Variants in COL8A1 observed in about 807,000 individuals in gnomAD.
COL8A1 encodes collagen type VIII alpha 1 chain.
Under a neutral mutation model 42.7 loss-of-function variants are expected in COL8A1, and 21 were observed. The ratio of observed to expected loss-of-function variants is 0.49; its 90% CI spans 0.35 to 0.71. The LOEUF is 0.71. Ranked by LOEUF, COL8A1 falls within the 30% of genes least tolerant of loss-of-function variation. COL8A1 has a pLI of 0.01. For synonymous variants in COL8A1, 367 were observed against 369.1 expected, an observed-to-expected ratio of 0.99 and a Z score of 0.06; for missense variants, 788 against 962.4, an observed-to-expected ratio of 0.82 and a Z score of 2.40.
At chr3:99,773,329 C>A (rs1172145298) in intron 2 of COL8A1, among the ~76,000 whole-genome samples, 3 of 152,162 alleles carry the variant, frequency 2.0e-5, no homozygotes, top group Non-Finnish European at 4.4e-5. Context: ...TCATAGTGAG[C>A]AGGCTCTTCT....
Position 99,704,287 on chromosome 3 carries a change from A to G in COL8A1, c.-128-40610A>G, listed in dbSNP as rs1157187767. On this transcript the variant is annotated intron_variant, in intron 1 of 3. Coordinates refer to ENST00000652472, the MANE Select transcript of COL8A1 (RefSeq NM_020351.4). ...ATAACCAAGAAACAAATTCAGCTCA[A>G]AGAGAATCTATTTAGTGCCTTAACA... Among the ~76,000 whole-genome samples the G allele has an allele frequency of 2.0e-5, 3 of 152,220 alleles. No homozygotes were observed. The East Asian group carries it at 5.8e-4, about 29-fold the overall frequency.
At chr3:99,677,985 T>C (rs1340575127) in intron 1 of COL8A1, 2 of 152,166 alleles carry the variant, frequency 1.3e-5, no homozygotes, top group Non-Finnish European at 2.9e-5. Flanking sequence ...ATAATTCACA[T>C]TGGACAACAT....
At chr3:99,785,097 T>G (rs1438970491) in intron 2 of COL8A1, among the ~76,000 whole-genome samples, 4 of 152,180 alleles carry the variant, frequency 2.6e-5, no homozygotes, top group African/African-American at 7.2e-5. Flanking sequence ...CCTCCATATG[T>G]GAATCAAGAA....
intron 1 of COL8A1, among the ~76,000 whole-genome samples, chr3:99,662,873 C>T (rs1938251396): frequency 6.6e-6 from 1 of 152,080 alleles, no homozygotes; most frequent in East Asian, 1.9e-4. Flanking sequence ...CCCAAATTTC[C>T]CCTTTTTATA....
intron 2 of COL8A1, among the ~76,000 whole-genome samples, chr3:99,767,724 T>C (rs1032906460): frequency 3.9e-5 from 6 of 152,220 alleles, no homozygotes; most frequent in African/African-American, 1.4e-4. Context: ...ATATAAGGCA[T>C]CCTGCCACTG....
chr3:99,664,001 A>G (rs940510158), intron 1 of COL8A1, among the ~76,000 whole-genome samples: 1 of 152,206 alleles, frequency 6.6e-6, no homozygotes, highest in Middle Eastern at 3.2e-3. Context: ...AAGGAGTTCC[A>G]ACACAAAAGG....
chr3:99,675,880 A>T (rs975911117), intron 1 of COL8A1, among the ~76,000 whole-genome samples: 1 of 152,120 alleles, frequency 6.6e-6, no homozygotes, highest in Non-Finnish European at 1.5e-5. Context: ...GATAAAAAAG[A>T]GTGTGTGATT....
intron 1 of COL8A1, among the ~76,000 whole-genome samples, chr3:99,711,409 A>T (rs779321443): frequency 6.6e-6 from 1 of 152,150 alleles, no homozygotes; most frequent in Non-Finnish European, 1.5e-5. Flanking sequence ...GCCTTCTGAA[A>T]ACCCTTTCTT....
At position 99,692,300 on chromosome 3, in the gene COL8A1, T is replaced by C. The variant is rs553318653; in HGVS notation, c.-128-52597T>C. On this transcript the variant is annotated intron_variant, in intron 1 of 3. Coordinates refer to ENST00000652472, the MANE Select transcript of COL8A1 (RefSeq NM_020351.4). The stretch of plus-strand genomic sequence containing the variant: ...TGTCTAAAACAACTGAAACCTTCTG[T>C]AGCTCAAAAAACCAAGTATGTCTCA... Among the ~76,000 whole-genome samples the C allele has an allele frequency of 7.9e-5, 12 of 152,364 alleles. No individual in the cohort carries two copies. In the East Asian group the frequency reaches 2.3e-3, roughly 29 times the overall value.
rs1368306503 is a variant in COL8A1, at chr3:99,798,519, GA to G, written c.*2384del. The G allele has an allele frequency of 6.6e-6, 1 of 152,122 alleles. No individual in the cohort carries two copies. The highest frequency in any genetic ancestry group is 3.2e-3 in the Middle Eastern group (1 of 316). The allele number at this position is 152,122 out of a possible 1,614,324, so 9.4% of individuals were successfully genotyped here. A position where few individuals can be genotyped will look rare whatever the true frequency, so the allele number is the denominator to read the frequency against. On this transcript the variant is annotated 3_prime_UTR_variant, in exon 4 of 4. Transcript: ENST00000652472. ...TGGGCTTTTAATTCCCACCAAGAAA[GA>G]GAGAAATTATCTTTTTAGTTAAAAC...
chr3:99,657,797 T>A (rs1242967411), intron 1 of COL8A1, among the ~76,000 whole-genome samples: 1 of 152,176 alleles, frequency 6.6e-6, no homozygotes, highest in East Asian at 1.9e-4. Context: ...ATAGTGTTCT[T>A]TCTTGGTACA....
intron 1 of COL8A1, among the ~76,000 whole-genome samples, chr3:99,729,710 A>G (rs1372102887): frequency 6.6e-6 from 1 of 152,048 alleles, no homozygotes; most frequent in Non-Finnish European, 1.5e-5. Flanking sequence ...AAATCAGCCA[A>G]AGGCTTAAAG....
chr3:99,709,791 G>T (rs1939785137), intron 1 of COL8A1, among the ~76,000 whole-genome samples: 1 of 152,162 alleles, frequency 6.6e-6, no homozygotes, highest in Non-Finnish European at 1.5e-5. Context: ...CAGAAGATGA[G>T]TGTTATGGTG....
At chr3:99,737,150 G>A (rs1022561276) in intron 1 of COL8A1, among the ~76,000 whole-genome samples, 82 of 152,176 alleles carry the variant, frequency 5.4e-4, no homozygotes, top group Non-Finnish European at 9.1e-4. Context: ...TGGGTTTCCT[G>A]AACACAGCAC....
In COL8A1 at chr3:99,794,269, G is replaced by C. The variant is rs769320857; in HGVS notation, c.368G>C (p.Arg123Pro). The change falls in exon 4 of 4, where the codon CGT (arginine) becomes CCT (proline). Residue 123 changes from arginine (R) to proline (P), a missense_variant. Coordinates refer to ENST00000652472, the MANE Select transcript of COL8A1 (RefSeq NM_020351.4). The surrounding 1 kb of genome is among the most constrained non-coding windows in gnomAD (Gnocchi z 4.3). ...LASLRGEQGPRGEPGPRGPPG... is the reference protein window; with the variant it reads ...LASLRGEQGPPGEPGPRGPPG... The stretch of plus-strand genomic sequence containing the variant: ...AGTTTACGAGGGGAACAAGGTCCCC[G>C]TGGAGAGCCTGGCCCAAGAGGACCA... The C allele has an allele frequency of 6.2e-7, 1 of 1,606,976 alleles. No homozygotes were observed. The highest frequency in any genetic ancestry group is 8.5e-7 in the Non-Finnish European group (1 of 1,177,054).
intron 1 of COL8A1, among the ~76,000 whole-genome samples, chr3:99,693,511 A>G (rs181983860): frequency 8.6e-4 from 131 of 152,322 alleles, no homozygotes; most frequent in Non-Finnish European, 1.5e-3. Flanking sequence ...GCCTAGGCCA[A>G]TGTGTGTGTT....
chr3:99,705,673 A>G (rs1351308935), intron 1 of COL8A1, among the ~76,000 whole-genome samples: 1 of 152,200 alleles, frequency 6.6e-6, no homozygotes, highest in African/African-American at 2.4e-5. Flanking sequence ...GCACAAAAAG[A>G]CAATGATTCA....
rs542316964 is a variant in COL8A1, at chr3:99,777,673, G to A, written c.-3-13007G>A. Among the ~76,000 whole-genome samples the A allele has an allele frequency of 1.8e-4, 27 of 152,282 alleles. 1 individual carries two copies. The East Asian group carries it at 3.3e-3, about 18-fold the overall frequency. On this transcript the variant is annotated intron_variant, in intron 2 of 3. Transcript: ENST00000652472. ...TGTCTTCTGACAATATTTCCCAGACGTTTTTCTAGTGTTAACAAAGCTCTC... is the reference window on the plus strand; with the variant it reads ...TGTCTTCTGACAATATTTCCCAGACATTTTTCTAGTGTTAACAAAGCTCTC...
At chr3:99,684,191 G>A (rs969350054) in intron 1 of COL8A1, among the ~76,000 whole-genome samples, 2 of 152,124 alleles carry the variant, frequency 1.3e-5, no homozygotes, top group African/African-American at 2.4e-5. Context: ...TTTACAAGAA[G>A]GGCTCTCTTC....
Sources: allele counts gnomAD v4.1 joint callset (sites outside exome capture counted in the v4.1 genomes callset), GRCh38; gene constraint gnomAD v4.1.1; non-coding constraint Gnocchi (gnomAD v3.1); transcripts MANE v1.5; gene names NCBI Gene and HGNC (gene_info 2026-07-23, HGNC 2026-07-21).